The following IFT81 variants were observed in gnomAD, a reference collection of about 807,000 sequenced individuals.
IFT81 encodes the protein intraflagellar transport protein 81 homolog.
IFT81 carries 72 observed loss-of-function variants against 102.6 expected under a neutral mutation model. The ratio of observed to expected loss-of-function variants is 0.70; its 90% CI spans 0.58 to 0.85. IFT81 has a LOEUF of 0.85. IFT81 is among the 40% of genes least tolerant of loss of function. The pLI is 0.00. For synonymous variants in IFT81, 237 were observed against 242.7 expected (o/e 0.98, Z 0.22); for missense variants, 723 against 787.3 (o/e 0.92, Z 0.98).
intron 11 of IFT81, among the ~76,000 whole-genome samples, chr12:110,164,498 C>T (rs975106378): frequency 5.9e-5 from 9 of 151,962 alleles, no homozygotes; most frequent in African/African-American, 9.7e-5. Context: ...CAAAAGCTAT[C>T]GTGGAAAGCT....
rs1241667410 is a variant in IFT81 at position 110,143,382 on chromosome 12, G to T, written c.782G>T (p.Ser261Ile). 46 of 1,301,980 alleles carry T rather than the reference G, an allele frequency of 3.5e-5. No homozygotes were observed. Among genetic ancestry groups the T allele is most frequent in the Non-Finnish European group, 4.7e-5 (46 of 975,904 alleles). The allele number at this position is 1,301,980 out of a possible 1,614,324, so 80.7% of individuals were successfully genotyped here. A position where few individuals can be genotyped will look rare whatever the true frequency, so the allele number is the denominator to read the frequency against. The part of the protein sequence containing the change: ...RQAAADAKPE[S>I]LMKRLEEEIK... Reference sequence around the variant, plus strand: ...ATATTTATTTATTTTATTTTTAAAGGTTTAATGAAGAGGCTAGAGGAGGAG... The same window carrying T: ...ATATTTATTTATTTTATTTTTAAAGTTTTAATGAAGAGGCTAGAGGAGGAG... Residue 261 changes from serine to isoleucine, a missense_variant and splice_region_variant, in exon 9 of 19, where the codon AGT becomes ATT. Coordinates refer to ENST00000242591, the MANE Select transcript of IFT81 (RefSeq NM_014055.4).
At chr12:110,146,235 T>G (rs1181904738) in intron 9 of IFT81, among the ~76,000 whole-genome samples, 2 of 152,224 alleles carry the variant, frequency 1.3e-5, no homozygotes, top group Middle Eastern at 3.2e-3. Flanking sequence ...ACTATATGCT[T>G]CTGTCAGATT....
intron 10 of IFT81, among the ~76,000 whole-genome samples, chr12:110,159,570 C>T (rs1445768098): frequency 3.9e-5 from 6 of 152,146 alleles, no homozygotes; most frequent in East Asian, 3.8e-4. Flanking sequence ...TCTTAAATGT[C>T]TGGCTTCCAA....
At position 110,190,942 on chromosome 12, in the gene IFT81, G is replaced by A. The variant is rs1897767578; in HGVS notation, c.1361G>A (p.Gly454Asp). The A allele has an allele frequency of 2.5e-6, 4 of 1,588,288 alleles. No individual in the cohort carries two copies. Among genetic ancestry groups the A allele is most frequent in the Non-Finnish European group, 2.6e-6 (3 of 1,169,764 alleles). The change falls in exon 13 of 19, where the codon GGT (glycine) becomes GAT (aspartate). Residue 454 changes from glycine (G) to aspartate (D), a missense_variant. Gly to Asp is a moderately conservative substitution (Grantham distance 94). Coordinates refer to ENST00000242591, the MANE Select transcript of IFT81 (RefSeq NM_014055.4). ...TAGCAAACTATGGAGGAGAAAAAGG[G>A]TATATCTGGATATAGTTACACCCAA... ...QQLQTMEEKK[G>D]ISGYSYTQEE...
At chr12:110,143,106 G>A (rs1479516530) in intron 8 of IFT81, among the ~76,000 whole-genome samples, 1 of 151,872 alleles carries the variant, frequency 6.6e-6, no homozygotes, top group Non-Finnish European at 1.5e-5. Context: ...TGCGTATTGC[G>A]GGATATAAAA....
intron 11 of IFT81, chr12:110,168,601 G>A (rs964227225): frequency 2.3e-4 from 59 of 255,644 alleles, no homozygotes; most frequent in African/African-American, 4.6e-5. Context: ...TGTTTTAAGA[G>A]ACAATCATGC....
At chr12:110,174,682 G>A (rs532572917) in intron 11 of IFT81, among the ~76,000 whole-genome samples, 1 of 152,180 alleles carries the variant, frequency 6.6e-6, no homozygotes, top group South Asian at 2.1e-4. Flanking sequence ...TAAGCGAAAA[G>A]CATTTATAAA....
At chr12:110,161,970 G>A (rs1429955406) in intron 10 of IFT81, among the ~76,000 whole-genome samples, 6 of 152,132 alleles carry the variant, frequency 3.9e-5, no homozygotes, top group Admixed American at 3.3e-4. Flanking sequence ...GCTATGGTTC[G>A]TTTAAGGAAA....
intron 11 of IFT81, 66 bp from the exon 12 acceptor site, chr12:110,180,356 A>G (rs1897271848): frequency 2.1e-6 from 2 of 969,770 alleles, no homozygotes; most frequent in Middle Eastern, 6.3e-4. Context: ...TTGAGTTTAT[A>G]CAGATGTATG....
Position 110,198,045 on chromosome 12 carries a change from T to C in IFT81, c.1557+5339T>C, listed in dbSNP as rs570037205. On this transcript the variant is annotated intron_variant, in intron 14 of 18. Coordinates refer to ENST00000242591, the MANE Select transcript of IFT81 (RefSeq NM_014055.4). ...TTTATTTGTACATCTCTAAAAGTAG[T>C]TGTTATGGTGGTTGTTAGTATTATA... Among the ~76,000 whole-genome samples, 17 of 152,308 alleles carry C rather than the reference T, an allele frequency of 1.1e-4. No homozygotes were observed. In the Middle Eastern group the frequency reaches 0.017, roughly 152 times the overall value.
intron 9 of IFT81, among the ~76,000 whole-genome samples, chr12:110,145,779 C>T (rs1293688149): frequency 6.8e-6 from 1 of 146,454 alleles, no homozygotes; most frequent in African/African-American, 2.6e-5. Context: ...ATTAAATGTC[C>T]AAGTCAGATC....
chr12:110,133,014 A>G (rs1300961006), intron 5 of IFT81, among the ~76,000 whole-genome samples: 5 of 142,852 alleles, frequency 3.5e-5, no homozygotes, highest in African/African-American at 1.3e-4. Flanking sequence ...TCTGTCATTC[A>G]GACTGGAGTA....
intron 17 of IFT81, among the ~76,000 whole-genome samples, chr12:110,208,501 G>T (rs1462346986): frequency 6.6e-6 from 1 of 151,410 alleles, no homozygotes; most frequent in Admixed American, 6.6e-5. Flanking sequence ...GTGAGACCTT[G>T]TCTCAAAGGA....
At chr12:110,196,435 G>A (rs1002561182) in intron 14 of IFT81, among the ~76,000 whole-genome samples, 7 of 152,196 alleles carry the variant, frequency 4.6e-5, no homozygotes, top group African/African-American at 7.2e-5. Context: ...TGGCAGAATC[G>A]CTTGAACCTG....
chr12:110,162,828 C>A, intron 10 of IFT81, 91 bp from the exon 11 acceptor site: 1 of 1,150,718 alleles, frequency 8.7e-7, no homozygotes, highest in Non-Finnish European at 1.2e-6. Flanking sequence ...GAAAATATAA[C>A]TTGGTAAAAT....
At chr12:110,142,446 C>T (rs1361641573) in intron 8 of IFT81, among the ~76,000 whole-genome samples, 2 of 152,096 alleles carry the variant, frequency 1.3e-5, no homozygotes, top group Non-Finnish European at 2.9e-5. Flanking sequence ...GAATTACAGG[C>T]GTGAGCCACT....
At chr12:110,143,569 A>C in intron 9 of IFT81, 24 bp downstream of exon 9, 1 of 1,519,112 alleles carries the variant, frequency 6.6e-7, no homozygotes, top group Non-Finnish European at 8.8e-7. Flanking sequence ...ATCTTTTTAT[A>C]GCTCTCAATT....
intron 17 of IFT81, among the ~76,000 whole-genome samples, chr12:110,208,316 A>G (rs1868951781): frequency 6.6e-6 from 1 of 152,222 alleles, no homozygotes; most frequent in Admixed American, 6.5e-5. Flanking sequence ...CAGCCTGGGC[A>G]ACATGGCAAA....
intron 17 of IFT81, among the ~76,000 whole-genome samples, chr12:110,208,242 A>G (rs1444034965): frequency 6.6e-6 from 1 of 152,158 alleles, no homozygotes; most frequent in Non-Finnish European, 1.5e-5. Context: ...AGTGGCTCAC[A>G]CCTGTAATCC....
Sources: allele counts gnomAD v4.1 joint callset (sites outside exome capture counted in the v4.1 genomes callset), GRCh38; gene constraint gnomAD v4.1.1; transcripts MANE v1.5; gene names NCBI Gene and HGNC (gene_info 2026-07-23, HGNC 2026-07-21).